The following FSCN2 variants were observed in gnomAD, a reference collection of about 807,000 sequenced individuals.
FSCN2 encodes fascin actin-bundling protein 2, retinal, also known as fascin-2.
A neutral mutation model predicts 37.8 loss-of-function variants in FSCN2; 46 were observed. The observed-to-expected ratio is 1.22, with a 90% CI of 0.96 to 1.56. The LOEUF (loss-of-function observed/expected upper bound fraction) is 1.56. Among genes scored for constraint, FSCN2 ranks in the 40% most tolerant of loss-of-function variants. FSCN2 has a pLI of 0.00. For missense variants in FSCN2, 844 were observed against 730.4 expected, an observed-to-expected ratio of 1.16 and a Z score of -1.79; for synonymous variants, 351 against 309.4, an observed-to-expected ratio of 1.13 and a Z score of -1.41.
At chr17:81,529,821 A>T (rs1483305298) in intron 1 of FSCN2, among the ~76,000 whole-genome samples, 2 of 151,740 alleles carry the variant, frequency 1.3e-5, no homozygotes, top group East Asian at 3.9e-4. Flanking sequence ...TTATTTATTT[A>T]TTTTTTGAGA....
rs782324950 is a variant in FSCN2 at position 81,531,261 on chromosome 17, ATGG to A, written c.826+1910_826+1912del. 4.7e-3 allele frequency among the ~76,000 whole-genome samples: 334 copies of A among 70,624 alleles called. 2 individuals are homozygous for A. The highest frequency in any genetic ancestry group is 0.02 in the Middle Eastern group (2 of 102). The allele number at this position is 70,624 out of a possible 152,430, so 46.3% of individuals were successfully genotyped here. On this transcript the variant is annotated intron_variant, in intron 1 of 4. Transcript: ENST00000417245. ...GGTGGTGATGATGGTGATGGTGATGATGGTGGTGATGGCGGTGGTGATGGTGAT... is the reference window on the plus strand; with the variant it reads ...GGTGGTGATGATGGTGATGGTGATGATGGTGATGGCGGTGGTGATGGTGAT...
chr17:81,533,671 A>G (rs938358231), intron 1 of FSCN2, among the ~76,000 whole-genome samples: 2 of 152,094 alleles, frequency 1.3e-5, no homozygotes, highest in African/African-American at 4.8e-5. Flanking sequence ...GAGTCCCCCA[A>G]CTGCTCAGCT....
chr17:81,531,726 G>GTGATAGTGA (rs2032625053), intron 1 of FSCN2, among the ~76,000 whole-genome samples: 2 of 109,204 alleles, frequency 1.8e-5, no homozygotes, highest in Non-Finnish European at 3.6e-5. Flanking sequence ...GGTGGTGATG[G>GTGATAGTGA]TGATGGTGAT....
At chr17:81,522,909 CAG>C in the FSCN2 span, among the ~76,000 whole-genome samples, 2 of 152,230 alleles carry the variant, frequency 1.3e-5, no homozygotes, top group Non-Finnish European at 2.9e-5. Context: ...TCCTGGGGCT[CAG>C]GGGTTGGAGG....
In FSCN2 at chr17:81,537,090, C is replaced by G. The variant is rs1289957029; in HGVS notation, c.*10C>G. The G allele has an allele frequency of 3.5e-6, 5 of 1,417,740 alleles. No homozygotes were observed. The highest frequency in any genetic ancestry group is 4.6e-6 in the Non-Finnish European group (5 of 1,092,544). 87.8% of individuals were successfully genotyped at this position (1,417,740 alleles called of 1,614,324 possible). ...GCTTTGGGAGTACTGAGGCCGCGCC[C>G]AGACCAGCCTGTCGCGCATTAAAAC... is the stretch of plus-strand genomic sequence containing the variant. On this transcript the variant is annotated 3_prime_UTR_variant, in exon 5 of 5. Coordinates refer to ENST00000417245, the MANE Select transcript of FSCN2 (RefSeq NM_012418.4).
chr17:81,531,448 T>G (rs1368797734), intron 1 of FSCN2, among the ~76,000 whole-genome samples: 3 of 134,972 alleles, frequency 2.2e-5, no homozygotes, highest in East Asian at 4.4e-4. Context: ...GTGGTGATGG[T>G]GGTGGTGATG....
rs547927991 is a variant in FSCN2 at position 81,528,467 on chromosome 17, C to G, written c.-65C>G. The G allele has an allele frequency of 4.0e-6, 5 of 1,262,986 alleles. No individual in the cohort carries two copies. The highest frequency in any genetic ancestry group is 2.1e-4 in the Middle Eastern group (1 of 4,868). The allele number at this position is 1,262,986 out of a possible 1,614,324, so 78.2% of individuals were successfully genotyped here. Reference sequence around the variant, plus strand: ...GAGCCGACCCGGGCTTCTGGGGGACCGCGGGGGCCGTGAGCACTCAGAGGG... The same window carrying G: ...GAGCCGACCCGGGCTTCTGGGGGACGGCGGGGGCCGTGAGCACTCAGAGGG... On this transcript the variant is annotated 5_prime_UTR_variant, in exon 1 of 5. Coordinates refer to ENST00000417245, the MANE Select transcript of FSCN2 (RefSeq NM_012418.4).
the FSCN2 span, among the ~76,000 whole-genome samples, chr17:81,515,271 C>T: frequency 6.6e-6 from 1 of 152,094 alleles, no homozygotes; most frequent in African/African-American, 2.4e-5. Flanking sequence ...TGGCGCAGGG[C>T]AGCCGCCACC....
At chr17:81,518,948 C>A in the FSCN2 span, 1 of 152,290 alleles carries the variant, frequency 6.6e-6, no homozygotes, top group East Asian at 1.9e-4. Flanking sequence ...CGGACTCTGT[C>A]AGGGTACCCG....
intron 3 of FSCN2, 64 bp from the exon 4 acceptor site, chr17:81,536,558 C>A (rs370629244): frequency 5.0e-6 from 8 of 1,590,216 alleles, no homozygotes; most frequent in Non-Finnish European, 6.8e-6. Flanking sequence ...AGGGCCCCCA[C>A]CCCGCCCGGC....
At chr17:81,525,910 C>G (rs1051676457), upstream of FSCN2, among the ~76,000 whole-genome samples, 1 of 152,102 alleles carries the variant, frequency 6.6e-6, no homozygotes, top group Non-Finnish European at 1.5e-5. Flanking sequence ...TGTAAACGGC[C>G]TCCCTCCAAG....
chr17:81,534,845 G>A (rs1456298027), intron 1 of FSCN2, among the ~76,000 whole-genome samples: 1 of 151,582 alleles, frequency 6.6e-6, no homozygotes, highest in Non-Finnish European at 1.5e-5. Context: ...GCTCCCTTGG[G>A]GACAGTGTGC....
Position 81,529,020 on chromosome 17 carries a change from A to G in FSCN2, c.489A>G (p.Ala163=), listed in dbSNP as rs781859995. The G allele has an allele frequency of 1.3e-6, 2 of 1,586,486 alleles. No homozygotes were observed. The highest frequency in any genetic ancestry group is 2.3e-5 in the East Asian group (1 of 43,674). Reference sequence around the variant, plus strand: ...GCCCGCGGGAGGACGAGATGGCCGCAGACGGAGACAAGCCCTGGGGCGTGG... The same window carrying G: ...GCCCGCGGGAGGACGAGATGGCCGCGGACGGAGACAAGCCCTGGGGCGTGG... ...HLCPREDEMA[A]DGDKPWGVDA... Residue 163 remains alanine, a synonymous_variant, in exon 1 of 5, where the codon GCA becomes GCG. Transcript: ENST00000417245.
In FSCN2 at chr17:81,528,434, GGCCA is replaced by G. The variant is rs2032419515; in HGVS notation, c.-94_-91del. ...ACGCCGGCTGGGTCTGGGGGCTGTG[GGCCA>G]GCCGAGCCGACCCGGGCTTCTGGGG... On this transcript the variant is annotated 5_prime_UTR_variant, in exon 1 of 5. Transcript: ENST00000417245. 3.4e-6 allele frequency: 3 copies of G among 893,364 alleles called. No individual in the cohort carries two copies. The African/African-American group carries it at 5.0e-5, about 15-fold the overall frequency. The allele number at this position is 893,364 out of a possible 1,614,324, so 55.3% of individuals were successfully genotyped here. A position where few individuals can be genotyped will look rare whatever the true frequency, so the allele number is the denominator to read the frequency against.
the FSCN2 span, among the ~76,000 whole-genome samples, chr17:81,517,670 C>T: frequency 6.6e-6 from 1 of 152,122 alleles, no homozygotes; most frequent in Non-Finnish European, 1.5e-5. Flanking sequence ...CCCCAGGCCT[C>T]ATTCCCCTGT....
At chr17:81,519,230 G>C in the FSCN2 span, 1 of 152,412 alleles carries the variant, frequency 6.6e-6, no homozygotes, top group Non-Finnish European at 1.5e-5. Flanking sequence ...GCCGGCCCGC[G>C]CTCCTGCGCC....
At chr17:81,533,141 C>A (rs566086926) in intron 1 of FSCN2, among the ~76,000 whole-genome samples, 1 of 152,292 alleles carries the variant, frequency 6.6e-6, no homozygotes, top group South Asian at 2.1e-4. Flanking sequence ...GGCTACATGG[C>A]AGGCCCTTCA....
In FSCN2 at chr17:81,528,429, C is replaced by A; in HGVS notation, c.-103C>A. 2.4e-6 allele frequency: 2 copies of A among 834,762 alleles called. No homozygotes were observed. The highest frequency in any genetic ancestry group is 3.8e-6 in the Non-Finnish European group (2 of 530,170). 51.7% of individuals were successfully genotyped at this position (834,762 alleles called of 1,614,324 possible). A position where few individuals can be genotyped will look rare whatever the true frequency, so the allele number is the denominator to read the frequency against. On this transcript the variant is annotated 5_prime_UTR_variant, in exon 1 of 5. It adds an upstream start codon to the 5' untranslated region. Transcript: ENST00000417245. Reference sequence around the variant, plus strand: ...TCGTGACGCCGGCTGGGTCTGGGGGCTGTGGGCCAGCCGAGCCGACCCGGG... The same window carrying A: ...TCGTGACGCCGGCTGGGTCTGGGGGATGTGGGCCAGCCGAGCCGACCCGGG...
rs577182198 is a variant in FSCN2, at chr17:81,530,912, C to T, written c.826+1555C>T. Among the ~76,000 whole-genome samples, 8 of 152,328 alleles carry T rather than the reference C, an allele frequency of 5.3e-5. No individual in the cohort carries two copies. The East Asian group carries it at 1.5e-3, about 29-fold the overall frequency. On this transcript the variant is annotated intron_variant, in intron 1 of 4. Coordinates refer to ENST00000417245, the MANE Select transcript of FSCN2 (RefSeq NM_012418.4). ...AATGCCTGCTGGCCTGGGCCCAGGC[C>T]GGGCATGTGGCAATCCTTAGGTGGT...
Sources: gnomAD v4.1 joint callset for allele counts (sites outside exome capture counted in the v4.1 genomes callset) on GRCh38, gnomAD v4.1.1 for gene constraint, MANE v1.5 for transcripts, NCBI Gene and HGNC (gene_info 2026-07-23, HGNC 2026-07-21) for gene names.